Variants in COL22A1 observed in about 807,000 individuals in gnomAD.
COL22A1 encodes collagen alpha-1(XXII) chain.
In COL22A1, 221 loss-of-function variants were observed where a neutral mutation model predicts 248.9. The ratio of observed to expected loss-of-function variants is 0.89; its 90% CI spans 0.80 to 0.99. COL22A1 has a LOEUF of 0.99. COL22A1 is among the 50% of genes least tolerant of loss of function. The pLI, the probability that COL22A1 is intolerant of heterozygous loss-of-function variation, is 0.00. For missense variants in COL22A1, 2,240 were observed against 2,179.0 expected, an observed-to-expected ratio of 1.03 and a Z score of -0.56; for synonymous variants, 891 against 793.4, an observed-to-expected ratio of 1.12 and a Z score of -2.07.
intron 56 of COL22A1, among the ~76,000 whole-genome samples, chr8:138,610,904 C>T (rs1015353177): frequency 6.6e-5 from 10 of 152,034 alleles, no homozygotes; most frequent in Non-Finnish European, 1.0e-4. Context: ...TATCTACAAA[C>T]ATTTTTTTTA....
intron 45 of COL22A1, among the ~76,000 whole-genome samples, 188 bp downstream of exon 45, chr8:138,655,709 T>G (rs189140640): frequency 0.015 from 2,341 of 152,166 alleles, 57 homozygotes; most frequent in African/African-American, 0.054. Flanking sequence ...ATGTGACCAG[T>G]GGCTGTTGTG....
intron 60 of COL22A1, among the ~76,000 whole-genome samples, chr8:138,600,926 C>G (rs1049457343): frequency 2.0e-5 from 3 of 152,176 alleles, no homozygotes; most frequent in African/African-American, 7.2e-5. Context: ...ATCTCACAAT[C>G]ACTTTGTGGT....
At position 138,878,055 on chromosome 8, in the gene COL22A1, C is replaced by A; in HGVS notation, c.353G>T (p.Gly118Val). 6.3e-7 allele frequency: 1 copy of A among 1,595,428 alleles called. No individual in the cohort carries two copies. The highest frequency in any genetic ancestry group is 2.3e-5 in the East Asian group (1 of 44,034). Residue 118 changes from glycine to valine, a missense_variant, in exon 3 of 65, where the codon GGA (glycine) becomes GTA (valine). Transcript: ENST00000303045. ...GGCCGTGATGTAGCGGAGCGCGTCT[C>A]CCGTGTTGGTGTTGCCCCCGTGGTA... is the stretch of plus-strand genomic sequence containing the variant. ...LAYHGGNTNT[G>V]DALRYITARS...
intron 44 of COL22A1, among the ~76,000 whole-genome samples, chr8:138,656,487 A>G (rs1403692362): frequency 6.6e-6 from 1 of 152,206 alleles, no homozygotes; most frequent in African/African-American, 2.4e-5. Context: ...AATCAGGAAT[A>G]ATTACAGAGC....
chr8:138,655,873 T>G (rs1564151237), intron 45 of COL22A1, 24 bp downstream of exon 45: 1 of 1,590,698 alleles, frequency 6.3e-7, no homozygotes, highest in African/African-American at 1.3e-5. Context: ...TCAAAACACA[T>G]GCGCATTTAT....
At chr8:138,684,576 G>A (rs1826200403) in intron 38 of COL22A1, 107 bp from the exon 39 acceptor site, 4 of 812,230 alleles carry the variant, frequency 4.9e-6, no homozygotes, top group Admixed American at 3.7e-5. Context: ...CCAGAGATGG[G>A]TGAGACTCAC....
In COL22A1 at chr8:138,844,084, C is replaced by T; in HGVS notation, c.733G>A (p.Gly245Ser). ...HTNGGTKEIT[G>S]FDLMDLFSVK... is the part of the protein sequence containing the mutation. ...CACGTGGTTATTGTTTTTCCCTTAC[C>T]TGTGATTTCCTTGGTTCCTCCATTG... The change falls in exon 4 of 65, where the codon GGT (glycine) becomes AGT (serine). Residue 245 changes from glycine to serine, a missense_variant and splice_region_variant. Transcript: ENST00000303045. 6.2e-7 allele frequency: 1 copy of T among 1,613,600 alleles called. No homozygotes were observed. Among genetic ancestry groups the T allele is most frequent in the Non-Finnish European group, 8.5e-7 (1 of 1,179,490 alleles).
chr8:138,910,902 C>T (rs1247358057), intron 1 of COL22A1, among the ~76,000 whole-genome samples: 1 of 152,182 alleles, frequency 6.6e-6, no homozygotes, highest in Non-Finnish European at 1.5e-5. Context: ...GGTCCTGGCC[C>T]ATAGTAACCA....
At chr8:138,627,546 CG>C (rs1820343594) in intron 50 of COL22A1, among the ~76,000 whole-genome samples, 1 of 152,172 alleles carries the variant, frequency 6.6e-6, no homozygotes, top group Admixed American at 6.5e-5. Flanking sequence ...TCTGACTCGC[CG>C]TTCAGTCTTC....
chr8:138,594,724 C>T (rs1251963794), intron 62 of COL22A1, among the ~76,000 whole-genome samples: 1 of 152,132 alleles, frequency 6.6e-6, no homozygotes, highest in East Asian at 1.9e-4. Context: ...CGCAGAACGA[C>T]GGAAGCCATA....
At chr8:138,646,371 T>A (rs993514319) in intron 47 of COL22A1, among the ~76,000 whole-genome samples, 1 of 152,146 alleles carries the variant, frequency 6.6e-6, no homozygotes, top group African/African-American at 2.4e-5. Flanking sequence ...AACCAGTAGG[T>A]CCCACACAGT....
intron 63 of COL22A1, among the ~76,000 whole-genome samples, chr8:138,593,688 G>T (rs1817278380): frequency 6.6e-6 from 1 of 152,146 alleles, no homozygotes; most frequent in South Asian, 2.1e-4. Context: ...GAGATTAAAT[G>T]TCTTATTCCT....
chr8:138,879,430 G>A (rs992097588), intron 2 of COL22A1, among the ~76,000 whole-genome samples: 13 of 152,140 alleles, frequency 8.5e-5, no homozygotes, highest in Admixed American at 2.0e-4. Context: ...AGTGGTTCAC[G>A]CCTGTAATTC....
chr8:138,701,240 C>T (rs1258490340), intron 31 of COL22A1, among the ~76,000 whole-genome samples: 3 of 152,168 alleles, frequency 2.0e-5, no homozygotes, highest in East Asian at 3.9e-4. Context: ...TCCTGGATCA[C>T]ATTTACTATA....
chr8:138,818,247 A>T (rs1200402113), intron 7 of COL22A1, among the ~76,000 whole-genome samples: 1 of 152,168 alleles, frequency 6.6e-6, no homozygotes, highest in African/African-American at 2.4e-5. Context: ...AGGGGCTGAC[A>T]GTAGAACCAT....
At chr8:138,736,083 C>A (rs1163435426) in intron 23 of COL22A1, among the ~76,000 whole-genome samples, 1 of 152,052 alleles carries the variant, frequency 6.6e-6, no homozygotes. Context: ...TCTGTCTACC[C>A]CCTGTGCGCT....
At chr8:138,753,935 G>A (rs1832797943) in intron 21 of COL22A1, among the ~76,000 whole-genome samples, 1 of 152,214 alleles carries the variant, frequency 6.6e-6, no homozygotes, top group Non-Finnish European at 1.5e-5. Context: ...ACGGAGCTCA[G>A]AGGAAGGATT....
chr8:138,778,493 G>A (rs1814679785), intron 14 of COL22A1, 87 bp from the exon 15 acceptor site: 3 of 1,247,612 alleles, frequency 2.4e-6, no homozygotes, highest in Non-Finnish European at 1.1e-6. Flanking sequence ...CCCACGTTTG[G>A]TGACAAGAGC....
rs7816033 is a variant in COL22A1, at chr8:138,700,974, G to A, written c.2560-830C>T. Among the ~76,000 whole-genome samples the A allele has an allele frequency of 9.5e-3, 1,218 of 128,058 alleles. 17 individuals carry two copies. The highest frequency in any genetic ancestry group is 0.033 in the African/African-American group (1,131 of 34,002). The allele number at this position is 128,058 out of a possible 152,430, so 84.0% of individuals were successfully genotyped here. A position where few individuals can be genotyped will look rare whatever the true frequency, so the allele number is the denominator to read the frequency against. ...CACTCCATCCAGCCTGGGCGACACA[G>A]CGAGACTCCGTCTCAAAAAAAAAAA... On this transcript the variant is annotated intron_variant, in intron 31 of 64. Transcript: ENST00000303045.
Sources: allele counts gnomAD v4.1 joint callset (sites outside exome capture counted in the v4.1 genomes callset), GRCh38; gene constraint gnomAD v4.1.1; transcripts MANE v1.5; gene names NCBI Gene and HGNC (gene_info 2026-07-23, HGNC 2026-07-21).